The following CCDC141 variants were observed in gnomAD, a reference collection of about 807,000 sequenced individuals.
The protein encoded by CCDC141 is coiled-coil domain-containing protein 141.
In CCDC141, 168 loss-of-function variants were observed where a neutral mutation model predicts 181.0. That is an observed-to-expected ratio of 0.93 (90% CI 0.82 to 1.05). The LOEUF (loss-of-function observed/expected upper bound fraction) is 1.05. Among genes scored for constraint, CCDC141 ranks in the 50% least tolerant of loss-of-function variants. The pLI is 0.00. For missense variants in CCDC141, 1,902 were observed against 1,788.5 expected (o/e 1.06, Z -1.14); for synonymous variants, 666 against 642.3 (o/e 1.04, Z -0.56).
chr2:179,038,472 C>G lies in CCDC141; in HGVS notation c.225+8812G>C, dbSNP rs2043204185. On this transcript the variant is annotated intron_variant, in intron 2 of 23. Coordinates refer to ENST00000443758, the MANE Select transcript of CCDC141 (RefSeq NM_173648.4). ...CACAACATTGTGAATGTAATTAATG[C>G]CACTGAATTGTACATATAAAATGAA... 2.0e-5 allele frequency among the ~76,000 whole-genome samples: 3 copies of G among 152,056 alleles called. No homozygotes were observed. The South Asian group carries it at 6.2e-4, about 32-fold the overall frequency.
At chr2:179,042,935 T>A (rs2043359407) in intron 2 of CCDC141, among the ~76,000 whole-genome samples, 1 of 152,030 alleles carries the variant, frequency 6.6e-6, no homozygotes, top group Non-Finnish European at 1.5e-5. Context: ...AAAAGCTAGC[T>A]TTTTGAAGAA....
intron 2 of CCDC141, among the ~76,000 whole-genome samples, chr2:179,009,814 T>C (rs1254199526): frequency 6.6e-6 from 1 of 151,418 alleles, no homozygotes; most frequent in African/African-American, 2.4e-5. Flanking sequence ...TCCCTTTACC[T>C]GAAAAAGAAT....
At chr2:178,981,650 A>ATATATATGTATG (rs57649825) in intron 2 of CCDC141, among the ~76,000 whole-genome samples, 2 of 127,322 alleles carry the variant, frequency 1.6e-5, no homozygotes, top group African/African-American at 5.7e-5. Flanking sequence ...ATATATATAT[A>ATATATATGTATG]TATATATACA....
chr2:179,037,334 A>G lies in CCDC141; in HGVS notation c.225+9950T>C, dbSNP rs1406977217. 4.6e-5 allele frequency among the ~76,000 whole-genome samples: 7 copies of G among 152,240 alleles called. No homozygotes were observed. The East Asian group carries it at 9.6e-4, about 21-fold the overall frequency. On this transcript the variant is annotated intron_variant, in intron 2 of 23. Transcript: ENST00000443758. ...GGCGTGGGTCAACAGGAGCACAGGG[A>G]AAGAGATAAAGTGGCTCCTGTATAA...
intron 4 of CCDC141, among the ~76,000 whole-genome samples, chr2:178,970,473 T>G (rs1690834997): frequency 6.6e-6 from 1 of 152,174 alleles, no homozygotes; most frequent in African/African-American, 2.4e-5. Flanking sequence ...ACCACACATC[T>G]ACAACCATCT....
chr2:178,895,411 G>T (rs578064538), intron 8 of CCDC141, among the ~76,000 whole-genome samples: 1 of 152,092 alleles, frequency 6.6e-6, no homozygotes, highest in Non-Finnish European at 1.5e-5. Flanking sequence ...AGGTTCTGTA[G>T]GTCCAGATCT....
chr2:179,018,553 T>C (rs2042608907), intron 2 of CCDC141, among the ~76,000 whole-genome samples: 2 of 152,214 alleles, frequency 1.3e-5, no homozygotes, highest in African/African-American at 4.8e-5. Flanking sequence ...TAGAATGTTC[T>C]ACACTTTAGC....
intron 17 of CCDC141, among the ~76,000 whole-genome samples, chr2:178,862,369 G>A (rs1685658810): frequency 6.6e-6 from 1 of 152,166 alleles, no homozygotes; most frequent in Non-Finnish European, 1.5e-5. Flanking sequence ...TGTAATATGA[G>A]CCTCGAGTTA....
At chr2:178,957,483 T>TAC (rs1690210320) in intron 5 of CCDC141, among the ~76,000 whole-genome samples, 1 of 152,206 alleles carries the variant, frequency 6.6e-6, no homozygotes, top group African/African-American at 2.4e-5. Flanking sequence ...TCCAAAATGG[T>TAC]ACAGCTGCTT....
At chr2:178,989,765 A>G (rs1691953397) in intron 2 of CCDC141, among the ~76,000 whole-genome samples, 1 of 149,392 alleles carries the variant, frequency 6.7e-6, no homozygotes, top group East Asian at 2.0e-4. Flanking sequence ...GATTAGTCTT[A>G]GAAAAATGCA....
chr2:178,885,192 G>A, intron 10 of CCDC141, 100 bp from the exon 11 acceptor site: 2 of 653,012 alleles, frequency 3.1e-6, no homozygotes, highest in East Asian at 6.5e-5. Flanking sequence ...ATCACTAATT[G>A]AACTTATACC....
In CCDC141 at chr2:178,931,210, T is replaced by C. The variant is rs981890413; in HGVS notation, c.898-12303A>G. 2.6e-5 allele frequency among the ~76,000 whole-genome samples: 4 copies of C among 152,180 alleles called. No homozygotes were observed. The South Asian group carries it at 8.3e-4, about 31-fold the overall frequency. On this transcript the variant is annotated intron_variant, in intron 6 of 23. Coordinates refer to ENST00000443758, the MANE Select transcript of CCDC141 (RefSeq NM_173648.4). ...AGGATGTAGAGAAATTGGAATCTTC[T>C]ACCTTTCTGGTAGAAATATAAAACA...
chr2:178,920,696 AC>A (rs1688650521), intron 6 of CCDC141, among the ~76,000 whole-genome samples: 1 of 4,214 alleles, frequency 2.4e-4, no homozygotes, highest in Non-Finnish European at 7.2e-4. Context: ...TGAACTCCAT[AC>A]ACACACACAC....
In CCDC141 at chr2:178,923,674, C is replaced by T. The variant is rs1261010827; in HGVS notation, c.898-4767G>A. On this transcript the variant is annotated intron_variant, in intron 6 of 23. Coordinates refer to ENST00000443758, the MANE Select transcript of CCDC141 (RefSeq NM_173648.4). ...TTGGCTTTTCAATTTGACAGAGATG[C>T]GTGCGTATCTCCGACCCGATACAGA... 5.3e-5 allele frequency among the ~76,000 whole-genome samples: 8 copies of T among 152,272 alleles called. No homozygotes were observed. The South Asian group carries it at 6.2e-4, about 12-fold the overall frequency.
intron 2 of CCDC141, among the ~76,000 whole-genome samples, chr2:179,023,660 T>TTA (rs1244865925): frequency 6.6e-6 from 1 of 152,182 alleles, no homozygotes; most frequent in Non-Finnish European, 1.5e-5. Flanking sequence ...AAGAACTTAA[T>TTA]GTGCACCAAC....
In CCDC141 at chr2:179,005,950, C is replaced by T. The variant is rs575398774; in HGVS notation, c.226-27275G>A. Among the ~76,000 whole-genome samples, 271 of 152,324 alleles carry T rather than the reference C, an allele frequency of 1.8e-3. 1 individual carries two copies. Among genetic ancestry groups the T allele is most frequent in the Non-Finnish European group, 2.6e-3 (178 of 68,040 alleles). On this transcript the variant is annotated intron_variant, in intron 2 of 23. Transcript: ENST00000443758. ...AATACAAGATACATCTCTGGATACT[C>T]TGTACCTCTCTACCTTCTAGATCAC...
intron 7 of CCDC141, 33 bp downstream of exon 7, chr2:178,918,680 T>C: frequency 6.5e-7 from 1 of 1,530,092 alleles, no homozygotes; most frequent in Non-Finnish European, 8.8e-7. Flanking sequence ...TCTGCCTGAT[T>C]ACCGAAAATT....
chr2:178,974,216 T>G (rs1691022430), intron 4 of CCDC141, among the ~76,000 whole-genome samples: 1 of 152,304 alleles, frequency 6.6e-6, no homozygotes, highest in East Asian at 1.9e-4. Context: ...TAAAACACCT[T>G]TTGGTCCTAT....
chr2:179,047,524 T>G, intron 1 of CCDC141, 118 bp from the exon 2 acceptor site: 1 of 863,130 alleles, frequency 1.2e-6, no homozygotes, highest in Non-Finnish European at 1.6e-6. Flanking sequence ...CTTTTTTCTA[T>G]TTTCTATTTT....
Sources: gnomAD v4.1 joint callset for allele counts (sites outside exome capture counted in the v4.1 genomes callset) on GRCh38, gnomAD v4.1.1 for gene constraint, MANE v1.5 for transcripts, NCBI Gene and HGNC (gene_info 2026-07-23, HGNC 2026-07-21) for gene names.